The following KCNMB2 variants were observed in gnomAD, a reference collection of about 807,000 sequenced individuals.
KCNMB2 encodes potassium calcium-activated channel subfamily M regulatory beta subunit 2.
KCNMB2 carries 9 observed loss-of-function variants against 24.5 expected under a neutral mutation model. The observed-to-expected ratio is 0.37, with a 90% CI of 0.22 to 0.64. The LOEUF (loss-of-function observed/expected upper bound fraction) is 0.64. Ranked by LOEUF, KCNMB2 falls within the 30% of genes least tolerant of loss-of-function variation. The pLI, the probability that KCNMB2 is intolerant of heterozygous loss-of-function variation, is 0.63. For missense variants in KCNMB2, 226 were observed against 284.3 expected (o/e 0.79, Z 1.47); for synonymous variants, 109 against 104.4 (o/e 1.04, Z -0.27).
intron 4 of KCNMB2, among the ~76,000 whole-genome samples, chr3:178,836,936 T>C (rs1415096351): frequency 2.6e-5 from 4 of 152,086 alleles, no homozygotes; most frequent in African/African-American, 9.7e-5. Flanking sequence ...ACCAAAGACA[T>C]AAAAATACCC....
intron 1 of KCNMB2, among the ~76,000 whole-genome samples, chr3:178,702,771 T>C (rs767985704): frequency 3.3e-5 from 5 of 150,090 alleles, no homozygotes; most frequent in South Asian, 2.1e-4. Context: ...TCTTTGTTCA[T>C]GGAAGCAGGT....
At chr3:178,612,988 A>G (rs541696482) in intron 1 of KCNMB2, among the ~76,000 whole-genome samples, 51 of 152,228 alleles carry the variant, frequency 3.4e-4, no homozygotes, top group Non-Finnish European at 3.7e-4. Flanking sequence ...TAATAACTTA[A>G]TACTGTTTGC....
At chr3:178,735,810 G>C (rs891674535) in intron 1 of KCNMB2, among the ~76,000 whole-genome samples, 3 of 152,180 alleles carry the variant, frequency 2.0e-5, no homozygotes, top group Non-Finnish European at 4.4e-5. Flanking sequence ...ATGGAAAAGG[G>C]GTTGGAAGAA....
Position 178,680,937 on chromosome 3 carries a change from T to A in KCNMB2, c.-67-126406T>A, listed in dbSNP as rs911754711. Reference sequence around the variant, plus strand: ...GAAAGCTTTTCAGGCTACCTCTGTGTCCCTGCAGGATAGGATTGGGGCCAA... The same window carrying A: ...GAAAGCTTTTCAGGCTACCTCTGTGACCCTGCAGGATAGGATTGGGGCCAA... On this transcript the variant is annotated intron_variant, in intron 1 of 4. Transcript: ENST00000452583. 5.0e-4 allele frequency among the ~76,000 whole-genome samples: 76 copies of A among 152,150 alleles called. 1 individual carries two copies. The highest frequency in any genetic ancestry group is 1.8e-3 in the African/African-American group (75 of 41,418).
At chr3:178,549,889 AAT>A (rs1468537097) in intron 1 of KCNMB2, among the ~76,000 whole-genome samples, 1 of 152,212 alleles carries the variant, frequency 6.6e-6, no homozygotes, top group Non-Finnish European at 1.5e-5. Flanking sequence ...TCAGAATAAC[AAT>A]AGTTTCCAAA....
chr3:178,777,273 A>C (rs1319097212), intron 1 of KCNMB2, among the ~76,000 whole-genome samples: 1 of 152,094 alleles, frequency 6.6e-6, no homozygotes, highest in Non-Finnish European at 1.5e-5. Flanking sequence ...ATCTCTACTA[A>C]AAATACAAAA....
chr3:178,591,374 T>G (rs1349183084), intron 1 of KCNMB2, among the ~76,000 whole-genome samples: 1 of 152,120 alleles, frequency 6.6e-6, no homozygotes, highest in East Asian at 1.9e-4. Flanking sequence ...CGGGGCTCAT[T>G]CTGTCTTTTT....
chr3:178,569,004 C>A (rs1168129924), intron 1 of KCNMB2, among the ~76,000 whole-genome samples: 2 of 152,052 alleles, frequency 1.3e-5, no homozygotes, highest in African/African-American at 2.4e-5. Flanking sequence ...TCAAATACAT[C>A]CAACCAAATA....
At chr3:178,812,100 T>A (rs1301037937) in intron 2 of KCNMB2, among the ~76,000 whole-genome samples, 1 of 152,180 alleles carries the variant, frequency 6.6e-6, no homozygotes, top group African/African-American at 2.4e-5. Context: ...GTCTTTTACT[T>A]GACTTGCAGG....
chr3:178,702,482 A>G (rs1307131399), intron 1 of KCNMB2, among the ~76,000 whole-genome samples: 12 of 151,718 alleles, frequency 7.9e-5, no homozygotes, highest in Non-Finnish European at 1.8e-4. Flanking sequence ...ATAAATAAAT[A>G]AAGCTAATGA....
intron 1 of KCNMB2, among the ~76,000 whole-genome samples, chr3:178,637,390 T>C (rs1304223799): frequency 1.3e-5 from 2 of 152,204 alleles, no homozygotes; most frequent in East Asian, 1.9e-4. Flanking sequence ...TTTCCTATTT[T>C]CTTTTCTTGA....
At chr3:178,840,801 G>A (rs1436690486) in intron 4 of KCNMB2, among the ~76,000 whole-genome samples, 1 of 152,230 alleles carries the variant, frequency 6.6e-6, no homozygotes, top group East Asian at 1.9e-4. Flanking sequence ...CCAGGCCTGT[G>A]ATGGGAAGAG....
chr3:178,693,777 G>C lies in KCNMB2; in HGVS notation c.-67-113566G>C, dbSNP rs570290579. ...GCCTCCTACAATGAGTTAGGGAGGA[G>C]CCCCTAGTCCTCAATATTTTGGAAT... On this transcript the variant is annotated intron_variant, in intron 1 of 4. Transcript: ENST00000452583. Among the ~76,000 whole-genome samples the C allele has an allele frequency of 3.3e-5, 5 of 152,274 alleles. No individual in the cohort carries two copies. The East Asian group carries it at 9.7e-4, about 29-fold the overall frequency.
intron 2 of KCNMB2, among the ~76,000 whole-genome samples, chr3:178,810,960 G>A (rs1714168500): frequency 7.3e-6 from 1 of 137,634 alleles, no homozygotes; most frequent in South Asian, 2.3e-4. Context: ...CACCATGTTA[G>A]CCAGGATGGT....
At chr3:178,822,792 G>A (rs755636783) in intron 2 of KCNMB2, among the ~76,000 whole-genome samples, 2 of 152,046 alleles carry the variant, frequency 1.3e-5, no homozygotes, top group African/African-American at 2.4e-5. Flanking sequence ...TGAATTACAC[G>A]TTTGAATCAT....
At chr3:178,778,485 CACACA>C (rs1712688664) in intron 1 of KCNMB2, among the ~76,000 whole-genome samples, 1 of 113,842 alleles carries the variant, frequency 8.8e-6, no homozygotes, top group African/African-American at 3.7e-5. Context: ...CACACACACA[CACACA>C]CACACACACA....
intron 1 of KCNMB2, among the ~76,000 whole-genome samples, chr3:178,765,850 T>A (rs1712096289): frequency 6.6e-6 from 1 of 152,180 alleles, no homozygotes; most frequent in South Asian, 2.1e-4. Flanking sequence ...TCTATTATCA[T>A]CACATTTAAT....
At chr3:178,758,950 A>C (rs193116805) in intron 1 of KCNMB2, among the ~76,000 whole-genome samples, 1 of 16,802 alleles carries the variant, frequency 6.0e-5, no homozygotes, top group Non-Finnish European at 8.6e-5. Flanking sequence ...ATATATATAT[A>C]TCTCCAAGAG....
intron 2 of KCNMB2, among the ~76,000 whole-genome samples, chr3:178,821,319 T>C (rs1714616977): frequency 6.6e-6 from 1 of 152,124 alleles, no homozygotes; most frequent in Non-Finnish European, 1.5e-5. Flanking sequence ...GGCATCATGC[T>C]CCTTCCAACT....
Sources: gnomAD v4.1 joint callset for allele counts (sites outside exome capture counted in the v4.1 genomes callset) on GRCh38, gnomAD v4.1.1 for gene constraint, MANE v1.5 for transcripts, NCBI Gene and HGNC (gene_info 2026-07-23, HGNC 2026-07-21) for gene names.